ZC3H6: variants seen among roughly 807,000 people sequenced by gnomAD.
ZC3H6 encodes the protein zinc finger CCCH domain-containing protein 6.
A neutral mutation model predicts 107.7 loss-of-function variants in ZC3H6; 40 were observed. The ratio of observed to expected loss-of-function variants is 0.37; its 90% confidence interval spans 0.29 to 0.48. The LOEUF is 0.48. ZC3H6 is among the 20% of genes least tolerant of loss of function. ZC3H6 has a pLI of 0.98. For synonymous variants in ZC3H6, 493 were observed against 487.9 expected (o/e 1.01, Z -0.14); for missense variants, 1,267 against 1,410.4 (o/e 0.90, Z 1.63).
chr2:112,316,329 A>G (rs1676694592), intron 5 of ZC3H6, 141 bp from the exon 6 acceptor site: 2 of 575,424 alleles, frequency 3.5e-6, no homozygotes, highest in Non-Finnish European at 6.1e-6. Flanking sequence ...CTCTCTCCAA[A>G]TAAATGAATA....
Position 112,309,931 on chromosome 2 carries a change from A to G in ZC3H6, c.383A>G (p.His128Arg), listed in dbSNP as rs376715743. 2 of 1,598,734 alleles carry G rather than the reference A, an allele frequency of 1.3e-6. No individual in the cohort carries two copies. The highest frequency in any genetic ancestry group is 1.1e-5 in the South Asian group (1 of 88,412). Residue 128 changes from histidine to arginine, a missense_variant, in exon 4 of 12, where the codon CAT becomes CGT. By Grantham distance (29) the His-to-Arg change is conservative (BLOSUM62 0). Around this residue, in one of 3 missense-constraint regions of ZC3H6, gnomAD observed 337 missense variants for 361.2 expected, o/e 0.93. Transcript: ENST00000409871. ...TACATAACATCAAAGAAGGGTCAAC[A>G]TAACAAAAAATTTAAAAGTAAAGAA... ...GSYITSKKGQ[H>R]NKKFKSKEYD...
chr2:112,314,645 C>T (rs1676658781), intron 5 of ZC3H6, among the ~76,000 whole-genome samples: 1 of 151,978 alleles, frequency 6.6e-6, no homozygotes, highest in African/African-American at 2.4e-5. Flanking sequence ...TTGATTTTTG[C>T]ATAATTTACT....
chr2:112,276,810 C>T (rs1359385330), intron 1 of ZC3H6, among the ~76,000 whole-genome samples: 1 of 152,098 alleles, frequency 6.6e-6, no homozygotes, highest in Non-Finnish European at 1.5e-5. Flanking sequence ...GGTTATAATT[C>T]AAATTTTCAT....
chr2:112,329,312 A>G (rs1676975769), intron 11 of ZC3H6, among the ~76,000 whole-genome samples: 1 of 152,190 alleles, frequency 6.6e-6, no homozygotes, highest in Non-Finnish European at 1.5e-5. Flanking sequence ...CATGAAATAT[A>G]TATATAATGC....
rs1676569149 is a variant in ZC3H6 at position 112,310,159 on chromosome 2, A to G, written c.611A>G (p.Gln204Arg). The G allele has an allele frequency of 2.5e-6, 4 of 1,610,920 alleles. No individual in the cohort carries two copies. The South Asian group carries it at 4.4e-5, about 18-fold the overall frequency. ...AAACAGAGAATGAAAGGAGTTCAGC[A>G]AGGTAAGTTTGAAATTACAGTCTGT... ...GKKQRMKGVQ[Q>R]GIEQRVKSFN... The change falls in exon 4 of 12, where the codon CAA becomes CGA. Residue 204 changes from glutamine (Q) to arginine (R), a missense_variant and splice_region_variant. Coordinates refer to ENST00000409871, the MANE Select transcript of ZC3H6 (RefSeq NM_198581.3).
intron 11 of ZC3H6, 43 bp downstream of exon 11, chr2:112,325,240 G>A (rs913133401): frequency 6.3e-7 from 1 of 1,587,210 alleles, no homozygotes; most frequent in African/African-American, 1.3e-5. Flanking sequence ...ATTTGGATGG[G>A]TTAAAATTTT....
Position 112,276,072 on chromosome 2 carries a change from G to C in ZC3H6, c.32+46G>C, listed in dbSNP as rs753522542. Reference sequence around the variant, plus strand: ...GTCTTTCTGTCGGATGAGAGGAGGGGTCTGGGGCGGCGGGAGCGGGCCGGG... The same window carrying C: ...GTCTTTCTGTCGGATGAGAGGAGGGCTCTGGGGCGGCGGGAGCGGGCCGGG... On this transcript the variant is annotated intron_variant, in intron 1 of 11. Transcript: ENST00000409871. 2.0e-6 allele frequency: 3 copies of C among 1,526,744 alleles called. No individual in the cohort carries two copies. The South Asian group carries it at 3.7e-5, about 19-fold the overall frequency. The allele number at this position is 1,526,744 out of a possible 1,614,324, so 94.6% of individuals were successfully genotyped here. A position where few individuals can be genotyped will look rare whatever the true frequency, so the allele number is the denominator to read the frequency against.
chr2:112,291,094 AT>A (rs1312171678), intron 1 of ZC3H6, among the ~76,000 whole-genome samples: 18 of 152,370 alleles, frequency 1.2e-4, no homozygotes, highest in African/African-American at 4.1e-4. Flanking sequence ...TCAAAGTCAG[AT>A]TTGTGACTGA....
At position 112,276,020 on chromosome 2, in the gene ZC3H6, A is replaced by G; in HGVS notation, c.26A>G (p.His9Arg). ...ATGACAGACTCTGAACATGCAGGGC[A>G]CGACAGGTCGGGAACCCTTCTTGTC... is the stretch of plus-strand genomic sequence containing the variant. MTDSEHAG[H>R]DREDGELEDG... is the part of the protein sequence containing the mutation. The change falls in exon 1 of 12, where the codon CAC becomes CGC. Residue 9 changes from histidine (H) to arginine (R), a missense_variant. By Grantham distance (29) the His-to-Arg change is conservative. Coordinates refer to ENST00000409871, the MANE Select transcript of ZC3H6 (RefSeq NM_198581.3). 6.5e-7 allele frequency: 1 copy of G among 1,542,402 alleles called. No individual in the cohort carries two copies. Among genetic ancestry groups the G allele is most frequent in the Non-Finnish European group, 8.7e-7 (1 of 1,143,490 alleles).
intron 10 of ZC3H6, 106 bp downstream of exon 10, chr2:112,324,769 T>C: frequency 2.4e-6 from 3 of 1,240,878 alleles, no homozygotes; most frequent in Non-Finnish European, 3.3e-6. Context: ...TGAGTAAAAT[T>C]GATAAGATTG....
Position 112,334,859 on chromosome 2 carries a change from T to C in ZC3H6, c.*2371T>C, listed in dbSNP as rs151252616. The C allele has an allele frequency of 2.0e-5, 3 of 152,718 alleles. No individual in the cohort carries two copies. The highest frequency in any genetic ancestry group is 7.2e-5 in the African/African-American group (3 of 41,556). The allele number at this position is 152,718 out of a possible 1,614,324, so 9.5% of individuals were successfully genotyped here. On this transcript the variant is annotated 3_prime_UTR_variant, in exon 12 of 12. Coordinates refer to ENST00000409871, the MANE Select transcript of ZC3H6 (RefSeq NM_198581.3). ...GGTCAATTGGTGTTTTTAGAATCCA[T>C]GTAATTTGATTTGCACTGTTAGATT...
intron 7 of ZC3H6, among the ~76,000 whole-genome samples, chr2:112,321,114 AC>A (rs1177498345): frequency 6.6e-6 from 1 of 151,948 alleles, no homozygotes; most frequent in Non-Finnish European, 1.5e-5. Context: ...AACATACATC[AC>A]CTGAGAGTGG....
At position 112,299,724 on chromosome 2, in the gene ZC3H6, T is replaced by A. The variant is rs890351609; in HGVS notation, c.33-125T>A. Reference sequence around the variant, plus strand: ...TACTATCTGGGCCTTTATAGAAAAATTTTTCAAGTGCTTGTCTAAATGAAT... The same window carrying A: ...TACTATCTGGGCCTTTATAGAAAAAATTTTCAAGTGCTTGTCTAAATGAAT... On this transcript the variant is annotated intron_variant, in intron 1 of 11. Coordinates refer to ENST00000409871, the MANE Select transcript of ZC3H6 (RefSeq NM_198581.3). 21 of 708,980 alleles carry A rather than the reference T, an allele frequency of 3.0e-5. No individual in the cohort carries two copies. In the Admixed American group the frequency reaches 5.6e-4, roughly 19 times the overall value. The allele number at this position is 708,980 out of a possible 1,614,324, so 43.9% of individuals were successfully genotyped here.
intron 1 of ZC3H6, among the ~76,000 whole-genome samples, chr2:112,285,152 A>G (rs981738777): frequency 2.0e-5 from 3 of 152,162 alleles, no homozygotes; most frequent in African/African-American, 7.2e-5. Context: ...TTATTACACT[A>G]TTATTTGCCT....
chr2:112,299,276 C>CA (rs59319982), intron 1 of ZC3H6, among the ~76,000 whole-genome samples: 63,478 of 116,254 alleles, frequency 0.55, 16,888 homozygotes, highest in East Asian at 0.77. Context: ...GACTCCATCT[C>CA]AAAAAAAAAA....
intron 1 of ZC3H6, among the ~76,000 whole-genome samples, chr2:112,284,608 C>G: frequency 6.6e-6 from 1 of 151,396 alleles, no homozygotes; most frequent in Non-Finnish European, 1.5e-5. Flanking sequence ...CATGCACATA[C>G]AGACACTAAA....
Position 112,335,699 on chromosome 2 carries a change from A to G in ZC3H6, c.*3211A>G, listed in dbSNP as rs1380950723. On this transcript the variant is annotated 3_prime_UTR_variant, in exon 12 of 12. Coordinates refer to ENST00000409871, the MANE Select transcript of ZC3H6 (RefSeq NM_198581.3). ...TGTACAAATTCCAAAATAACATGGTATGGTTTGTATGGTTTAGCAATTTTA... is the reference window on the plus strand; with the variant it reads ...TGTACAAATTCCAAAATAACATGGTGTGGTTTGTATGGTTTAGCAATTTTA... 2.0e-5 allele frequency: 3 copies of G among 152,150 alleles called. No individual in the cohort carries two copies. The highest frequency in any genetic ancestry group is 4.2e-4 in the South Asian group (2 of 4,814). The allele number at this position is 152,150 out of a possible 1,614,324, so 9.4% of individuals were successfully genotyped here. A position where few individuals can be genotyped will look rare whatever the true frequency, so the allele number is the denominator to read the frequency against.
chr2:112,307,784 A>G (rs1427176522), intron 3 of ZC3H6, among the ~76,000 whole-genome samples: 1 of 152,204 alleles, frequency 6.6e-6, no homozygotes, highest in African/African-American at 2.4e-5. Flanking sequence ...GAATATTTAC[A>G]GTTGGGAATC....
intron 1 of ZC3H6, among the ~76,000 whole-genome samples, chr2:112,280,835 A>C (rs1347493545): frequency 6.6e-6 from 1 of 152,178 alleles, no homozygotes; most frequent in African/African-American, 2.4e-5. Flanking sequence ...AAACGGATTA[A>C]ATTTGGGGCC....
Sources: gnomAD v4.1 joint callset for allele counts (sites outside exome capture counted in the v4.1 genomes callset) on GRCh38, gnomAD v4.1.1 for gene constraint, gnomAD v4.1.1 regional missense constraint, MANE v1.5 for transcripts, NCBI Gene and HGNC (gene_info 2026-07-23, HGNC 2026-07-21) for gene names.